Variants in ANO4 observed in about 807,000 individuals in gnomAD.
The protein encoded by ANO4 is anoctamin-4.
ANO4 carries 69 observed loss-of-function variants against 141.9 expected under a neutral mutation model. The ratio of observed to expected loss-of-function variants is 0.49; its 90% confidence interval spans 0.40 to 0.59. The LOEUF (loss-of-function observed/expected upper bound fraction) is 0.59. ANO4 is among the 20% of genes least tolerant of loss of function. The pLI, the probability that ANO4 is intolerant of heterozygous loss-of-function variation, is 0.00. For missense variants in ANO4, 894 were observed against 1,162.2 expected (o/e 0.77, Z 3.36); for synonymous variants, 350 against 394.3 (o/e 0.89, Z 1.33).
intron 2 of ANO4, among the ~76,000 whole-genome samples, chr12:100,738,501 G>A (rs905962013): frequency 1.3e-5 from 2 of 152,080 alleles, no homozygotes; most frequent in Non-Finnish European, 2.9e-5. Context: ...CTTGTTAGCT[G>A]TGTGAACTAT....
At chr12:101,045,166 A>G (rs1233501674) in intron 13 of ANO4, among the ~76,000 whole-genome samples, 1 of 152,244 alleles carries the variant, frequency 6.6e-6, no homozygotes, top group African/African-American at 2.4e-5. Flanking sequence ...AATAATAATT[A>G]TAATAGTTAC....
chr12:100,951,790 A>G (rs946046617), intron 5 of ANO4, among the ~76,000 whole-genome samples: 1 of 152,214 alleles, frequency 6.6e-6, no homozygotes, highest in African/African-American at 2.4e-5. Context: ...AGTCTGGGTA[A>G]CAACAGTCAA....
upstream of ANO4, among the ~76,000 whole-genome samples, chr12:100,790,031 C>CATT (rs1177471316): frequency 6.6e-6 from 1 of 152,080 alleles, no homozygotes; most frequent in East Asian, 1.9e-4. Context: ...GTGAAGATGG[C>CATT]ATTGAACTGG....
Position 101,103,179 on chromosome 12 carries a change from CATTTTATATAT to C in ANO4, c.2149+3462_2149+3472del, listed in dbSNP as rs1202105197. 1.6e-4 allele frequency among the ~76,000 whole-genome samples: 11 copies of C among 70,274 alleles called. 1 individual carries two copies. The highest frequency in any genetic ancestry group is 7.4e-4 in the African/African-American group (11 of 14,810). The allele number at this position is 70,274 out of a possible 152,430, so 46.1% of individuals were successfully genotyped here. On this transcript the variant is annotated intron_variant, in intron 22 of 27. Coordinates refer to ENST00000392977, the MANE Select transcript of ANO4 (RefSeq NM_001286615.2). ...ATAACTTTACATTTTCCTTTTTAGT[CATTTTATATAT>C]ATATATATATATATATATATATATA...
At chr12:101,068,851 A>G (rs961041491) in intron 14 of ANO4, 3 of 947,556 alleles carry the variant, frequency 3.2e-6, no homozygotes, top group Non-Finnish European at 5.2e-6. Context: ...AAAACTTAGG[A>G]AAGTAGAGGG....
intron 4 of ANO4, among the ~76,000 whole-genome samples, chr12:100,941,821 A>G (rs990113670): frequency 2.0e-5 from 3 of 152,024 alleles, no homozygotes; most frequent in African/African-American, 4.8e-5. Flanking sequence ...TAGTTGCATC[A>G]CATTCTTGGC....
intron 15 of ANO4, among the ~76,000 whole-genome samples, chr12:101,080,883 T>TATATATATATATAA (rs1491584060): frequency 6.8e-5 from 5 of 74,068 alleles, no homozygotes; most frequent in Non-Finnish European, 9.1e-5. Context: ...TATATATATA[T>TATATATATATATAA]TATATATATA....
chr12:100,879,775 T>C (rs1464854682), intron 1 of ANO4, among the ~76,000 whole-genome samples: 2 of 152,212 alleles, frequency 1.3e-5, no homozygotes, highest in Non-Finnish European at 2.9e-5. Flanking sequence ...GCCTTCTAAG[T>C]GTCAGAAACT....
chr12:100,753,903 T>G (rs2032496498), intron 3 of ANO4, among the ~76,000 whole-genome samples: 1 of 152,328 alleles, frequency 6.6e-6, no homozygotes, highest in East Asian at 1.9e-4. Flanking sequence ...CCAAGCCACT[T>G]CTGTGTTCCC....
intron 1 of ANO4, among the ~76,000 whole-genome samples, chr12:100,862,022 A>G (rs553041255): frequency 5.9e-5 from 9 of 152,174 alleles, no homozygotes; most frequent in Non-Finnish European, 1.2e-4. Context: ...GCCTTCTGGA[A>G]TACTTCTTGA....
At chr12:101,013,242 C>T (rs1021733694) in intron 8 of ANO4, among the ~76,000 whole-genome samples, 5 of 152,118 alleles carry the variant, frequency 3.3e-5, no homozygotes, top group African/African-American at 1.2e-4. Context: ...GTCAAACAGG[C>T]AGTTGAATGT....
chr12:101,091,900 T>C (rs1371405691), intron 17 of ANO4, among the ~76,000 whole-genome samples: 3 of 152,130 alleles, frequency 2.0e-5, no homozygotes, highest in Admixed American at 2.0e-4. Context: ...CTCTAGGTCC[T>C]AATGAAATAT....
chr12:100,717,467 G>T, upstream of ANO4: 1 of 397,778 alleles, frequency 2.5e-6, no homozygotes. Context: ...CAGGGGCGCA[G>T]CGCGCAGGGG....
intron 12 of ANO4, among the ~76,000 whole-genome samples, chr12:101,043,257 A>G (rs967867575): frequency 6.6e-6 from 1 of 152,218 alleles, no homozygotes; most frequent in East Asian, 1.9e-4. Flanking sequence ...AAAGTGAAGG[A>G]CATTTCTATA....
intron 8 of ANO4, among the ~76,000 whole-genome samples, chr12:100,997,375 C>T (rs1022360374): frequency 6.7e-6 from 1 of 150,244 alleles, no homozygotes; most frequent in African/African-American, 2.4e-5. Flanking sequence ...ACAGTGCTGC[C>T]ACCTCCTGTA....
Position 101,004,265 on chromosome 12 carries a change from G to A in ANO4, c.735-15769G>A, listed in dbSNP as rs189206805. Among the ~76,000 whole-genome samples, 202 of 152,172 alleles carry A rather than the reference G, an allele frequency of 1.3e-3. 3 individuals carry two copies. Among genetic ancestry groups the A allele is most frequent in the Middle Eastern group, 6.8e-3 (2 of 294 alleles). ...GTTGGGGGAGCAAAATGAAGAGGTT[G>A]GGGTTATCGGAACCAAGATGCTCAG... On this transcript the variant is annotated intron_variant, in intron 8 of 27. Transcript: ENST00000392977.
intron 15 of ANO4, among the ~76,000 whole-genome samples, chr12:101,080,924 A>T (rs2049247318): frequency 7.2e-6 from 1 of 139,046 alleles, no homozygotes; most frequent in Non-Finnish European, 1.6e-5. Context: ...CATATATATA[A>T]ATAGATTTTC....
At chr12:101,003,260 A>G (rs905261697) in intron 8 of ANO4, among the ~76,000 whole-genome samples, 7 of 152,258 alleles carry the variant, frequency 4.6e-5, no homozygotes, top group African/African-American at 1.4e-4. Context: ...TTTGCCTCAC[A>G]TGATTCCTTT....
At chr12:100,765,690 CAA>C (rs749550498) in intron 3 of ANO4, among the ~76,000 whole-genome samples, 7 of 119,868 alleles carry the variant, frequency 5.8e-5, no homozygotes, top group African/African-American at 2.9e-5. Context: ...TTTATGTTTT[CAA>C]AAAAAAAAAA....
Sources: gnomAD v4.1 joint callset for allele counts (sites outside exome capture counted in the v4.1 genomes callset) on GRCh38, gnomAD v4.1.1 for gene constraint, MANE v1.5 for transcripts, NCBI Gene and HGNC (gene_info 2026-07-23, HGNC 2026-07-21) for gene names.